RTN1: variants seen among roughly 807,000 people sequenced by gnomAD.
RTN1 encodes the protein reticulon 1.
In RTN1, 25 loss-of-function variants were observed where a neutral mutation model predicts 65.5. The observed-to-expected ratio is 0.38, with a 90% CI of 0.28 to 0.53. The LOEUF is 0.53. Ranked by LOEUF, RTN1 falls within the 20% of genes least tolerant of loss-of-function variation. RTN1 has a pLI of 0.79. For missense variants in RTN1, 983 were observed against 1,025.4 expected (o/e 0.96, Z 0.57); for synonymous variants, 471 against 447.6 (o/e 1.05, Z -0.66).
At chr14:59,706,363 G>T (rs1424005489) in intron 3 of RTN1, among the ~76,000 whole-genome samples, 2 of 151,134 alleles carry the variant, frequency 1.3e-5, no homozygotes, top group South Asian at 4.2e-4. Flanking sequence ...CCTAGGAAAA[G>T]AATATTTAAG....
At chr14:59,664,384 T>G (rs1883318322) in intron 3 of RTN1, among the ~76,000 whole-genome samples, 1 of 152,084 alleles carries the variant, frequency 6.6e-6, no homozygotes, top group Non-Finnish European at 1.5e-5. Flanking sequence ...GGTTGATGGG[T>G]GCAGCAAACC....
At chr14:59,818,420 A>C (rs1415118659) in intron 1 of RTN1, among the ~76,000 whole-genome samples, 1 of 152,238 alleles carries the variant, frequency 6.6e-6, no homozygotes, top group Non-Finnish European at 1.5e-5. Flanking sequence ...CTCCTAGGAA[A>C]TAAGAATGGA....
At chr14:59,657,516 T>C (rs1883147342) in intron 3 of RTN1, among the ~76,000 whole-genome samples, 1 of 152,072 alleles carries the variant, frequency 6.6e-6, no homozygotes. Context: ...AGAAGGTGGG[T>C]GATTTCTGCA....
rs1594698037 is a variant in RTN1, at chr14:59,719,646, T to C, written c.1765+7273A>G. Among the ~76,000 whole-genome samples, 2 of 152,348 alleles carry C rather than the reference T, an allele frequency of 1.3e-5. 1 individual carries two copies. Among genetic ancestry groups the C allele is most frequent in the East Asian group, 3.9e-4 (2 of 5,182 alleles). ...GAGTGAAATTTATGTATTGTATTTT[T>C]GTATTGCAGGAGTGTTTTGTGGGGT... On this transcript the variant is annotated intron_variant, in intron 3 of 8. Coordinates refer to ENST00000267484, the MANE Select transcript of RTN1 (RefSeq NM_021136.3).
intron 1 of RTN1, among the ~76,000 whole-genome samples, chr14:59,749,376 ATC>A (rs370890194): frequency 6.3e-5 from 4 of 63,046 alleles, no homozygotes; most frequent in African/African-American, 4.4e-4. Context: ...ATATCTATAT[ATC>A]TATATCTATA....
intron 1 of RTN1, among the ~76,000 whole-genome samples, chr14:59,773,464 A>G (rs941528841): frequency 2.0e-5 from 3 of 152,204 alleles, no homozygotes; most frequent in African/African-American, 7.2e-5. Context: ...TCTGATAAAT[A>G]AATCAGCACA....
Position 59,766,922 on chromosome 14 carries a change from C to T in RTN1, c.242-20441G>A, listed in dbSNP as rs895000656. ...TTTAACTCCACCCATCCCAGTATATCGGGCACTGAGCACCTACTATGTGGT... is the reference window on the plus strand; with the variant it reads ...TTTAACTCCACCCATCCCAGTATATTGGGCACTGAGCACCTACTATGTGGT... On this transcript the variant is annotated intron_variant, in intron 1 of 8. Coordinates refer to ENST00000267484, the MANE Select transcript of RTN1 (RefSeq NM_021136.3). The surrounding 1 kb of genome is among the most constrained non-coding windows in gnomAD (Gnocchi z 4.4). Among the ~76,000 whole-genome samples the T allele has an allele frequency of 1.1e-4, 17 of 152,190 alleles. No individual in the cohort carries two copies. The highest frequency in any genetic ancestry group is 3.6e-4 in the African/African-American group (15 of 41,436).
intron 3 of RTN1, among the ~76,000 whole-genome samples, chr14:59,691,724 A>G (rs550934875): frequency 6.6e-6 from 1 of 152,304 alleles, no homozygotes; most frequent in South Asian, 2.1e-4. Flanking sequence ...GTCATCAAAA[A>G]ATTAATTCAC....
chr14:59,743,731 T>TC (rs58592703), intron 2 of RTN1, among the ~76,000 whole-genome samples: 70,147 of 151,596 alleles, frequency 0.46, 18,169 homozygotes, highest in African/African-American at 0.7. Flanking sequence ...CCTCTTTGTT[T>TC]CCCCTGTTCC....
At chr14:59,809,621 T>C (rs915145406) in intron 1 of RTN1, among the ~76,000 whole-genome samples, 1 of 152,226 alleles carries the variant, frequency 6.6e-6, no homozygotes, top group African/African-American at 2.4e-5. Context: ...TTCCTTGTTG[T>C]AAGCATGAAC....
intron 1 of RTN1, among the ~76,000 whole-genome samples, chr14:59,833,801 C>T (rs1320102809): frequency 6.6e-6 from 1 of 152,134 alleles, no homozygotes; most frequent in Non-Finnish European, 1.5e-5. Flanking sequence ...ATTCAGTGCA[C>T]AAACAATAAG....
chr14:59,793,983 T>C (rs1039015347), intron 1 of RTN1, among the ~76,000 whole-genome samples: 1 of 152,122 alleles, frequency 6.6e-6, no homozygotes, highest in Non-Finnish European at 1.5e-5. Flanking sequence ...GTAGTGAACA[T>C]TGTCTGGATG....
intron 1 of RTN1, among the ~76,000 whole-genome samples, chr14:59,853,677 C>G (rs1344430327): frequency 6.6e-6 from 1 of 152,096 alleles, no homozygotes; most frequent in African/African-American, 2.4e-5. Flanking sequence ...CGAGACTTAA[C>G]AGTTATCATG....
chr14:59,697,151 T>G (rs1355604568), intron 3 of RTN1, among the ~76,000 whole-genome samples: 1 of 152,214 alleles, frequency 6.6e-6, no homozygotes, highest in Non-Finnish European at 1.5e-5. Flanking sequence ...ACTCTTTTCT[T>G]GTACTTCTCA....
chr14:59,823,349 G>A (rs1032228592), intron 1 of RTN1, among the ~76,000 whole-genome samples: 4 of 151,380 alleles, frequency 2.6e-5, no homozygotes, highest in Non-Finnish European at 4.4e-5. Flanking sequence ...GCTCTTTCTC[G>A]TTTCCCTTTT....
At chr14:59,664,301 A>G (rs1352300147) in intron 3 of RTN1, among the ~76,000 whole-genome samples, 3 of 152,252 alleles carry the variant, frequency 2.0e-5, no homozygotes, top group African/African-American at 7.2e-5. Flanking sequence ...GGAACATCAC[A>G]TATCGGGGCC....
At chr14:59,687,204 T>G (rs1566685307) in intron 3 of RTN1, among the ~76,000 whole-genome samples, 1 of 152,118 alleles carries the variant, frequency 6.6e-6, no homozygotes, top group African/African-American at 2.4e-5. Flanking sequence ...GGTGGCAGGG[T>G]CCTCTCTGCT....
In RTN1 at chr14:59,841,968, A is replaced by G. The variant is rs976000872; in HGVS notation, c.241+28422T>C. 4.6e-5 allele frequency among the ~76,000 whole-genome samples: 7 copies of G among 152,114 alleles called. No homozygotes were observed. The East Asian group carries it at 1.4e-3, about 30-fold the overall frequency. ...TGGCAAAACCCCATCTCTACTAAAA[A>G]TACAAAAATTAGCTGGGCATGGTGG... On this transcript the variant is annotated intron_variant, in intron 1 of 8. Coordinates refer to ENST00000267484, the MANE Select transcript of RTN1 (RefSeq NM_021136.3).
At chr14:59,665,072 T>C (rs1232531199) in intron 3 of RTN1, among the ~76,000 whole-genome samples, 1 of 152,110 alleles carries the variant, frequency 6.6e-6, no homozygotes, top group Non-Finnish European at 1.5e-5. Flanking sequence ...GTTTACATTG[T>C]CTCTGATGTT....
Sources: allele counts gnomAD v4.1 joint callset (sites outside exome capture counted in the v4.1 genomes callset), GRCh38; gene constraint gnomAD v4.1.1; non-coding constraint Gnocchi (gnomAD v3.1); transcripts MANE v1.5; gene names NCBI Gene and HGNC (gene_info 2026-07-23, HGNC 2026-07-21).